Variants in SEC16A observed in about 807,000 individuals in gnomAD.
SEC16A encodes protein transport protein Sec16A.
A neutral mutation model predicts 221.9 loss-of-function variants in SEC16A; 110 were observed. That is an observed-to-expected ratio of 0.50 (90% CI 0.42 to 0.58). The LOEUF (loss-of-function observed/expected upper bound fraction) is 0.58, where lower values mean the gene tolerates loss of function less well. Ranked by LOEUF, SEC16A falls within the 20% of genes least tolerant of loss-of-function variation. The pLI, the probability that SEC16A is intolerant of heterozygous loss-of-function variation, is 0.00. For synonymous variants in SEC16A, 1,393 were observed against 1,257.7 expected, an observed-to-expected ratio of 1.11 and a Z score of -2.28; for missense variants, 3,165 against 3,097.8, an observed-to-expected ratio of 1.02 and a Z score of -0.52.
Position 136,446,916 on chromosome 9 carries a change from C to T in SEC16A, c.6731G>A (p.Gly2244Asp). Residue 2244 changes from glycine (G) to aspartate (D), a missense_variant, in exon 28 of 32, where the codon GGC (glycine) becomes GAC (aspartate). Around this residue, in one of 3 missense-constraint regions of SEC16A, gnomAD observed 1,088 missense variants for 1,089.6 expected, o/e 1.00. Coordinates refer to ENST00000684901, the MANE Select transcript of SEC16A (RefSeq NM_014866.2). ...AEEPQLPDGT[G>D]REGPAAARGL... ...CCTAGCTGCTGCAGGCCCTTCCCTG[C>T]CAGTCCCGTCTGGAAGCTGTGGTTC... 6.2e-7 allele frequency: 1 copy of T among 1,613,704 alleles called. No individual in the cohort carries two copies. Among genetic ancestry groups the T allele is most frequent in the Non-Finnish European group, 8.5e-7 (1 of 1,179,870 alleles).
At chr9:136,483,863 G>A, upstream of SEC16A, 3 of 942,744 alleles carry the variant, frequency 3.2e-6, no homozygotes, top group Middle Eastern at 5.5e-4. Context: ...GCGCCTGCGC[G>A]CTGGTTGCCT....
intron 2 of SEC16A, among the ~76,000 whole-genome samples, chr9:136,478,402 C>CAA (rs34093106): frequency 0.032 from 3,068 of 95,098 alleles, 127 homozygotes; most frequent in African/African-American, 0.11. Flanking sequence ...GTCCCTAGCT[C>CAA]AAAAAAAAAA....
chr9:136,444,553 G>A (rs1427277435), intron 30 of SEC16A, among the ~76,000 whole-genome samples: 1 of 152,112 alleles, frequency 6.6e-6, no homozygotes, highest in Non-Finnish European at 1.5e-5. Flanking sequence ...GACACCTCAG[G>A]GTCGATCCAG....
Position 136,465,664 on chromosome 9 carries a change from C to T in SEC16A, c.4303+298G>A, listed in dbSNP as rs147021441. Among the ~76,000 whole-genome samples, 50 of 152,312 alleles carry T rather than the reference C, an allele frequency of 3.3e-4. No homozygotes were observed. In the East Asian group the frequency reaches 6.0e-3, roughly 18 times the overall value. On this transcript the variant is annotated intron_variant, in intron 8 of 31. Coordinates refer to ENST00000684901, the MANE Select transcript of SEC16A (RefSeq NM_014866.2). ...CACGCCTGCTGAGCCACGGGGTCTG[C>T]GATGGGGATGTGATCAGGGGCTGCC...
At chr9:136,483,178 C>T (rs1842637102), upstream of SEC16A, 2 of 275,778 alleles carry the variant, frequency 7.3e-6, no homozygotes, top group Non-Finnish European at 1.1e-5. Flanking sequence ...ATCCCTCGGC[C>T]CCGCCCCTCG....
At position 136,459,050 on chromosome 9, in the gene SEC16A, T is replaced by G; in HGVS notation, c.5409+84A>C. The G allele has an allele frequency of 2.1e-6, 2 of 939,254 alleles. No individual in the cohort carries two copies. Among genetic ancestry groups the G allele is most frequent in the Non-Finnish European group, 3.2e-6 (2 of 634,180 alleles). The allele number at this position is 939,254 out of a possible 1,614,324, so 58.2% of individuals were successfully genotyped here. ...TCACATCATTTTTTTCGATACCAATTCAAACAATCTAAGTAGCCAAAAGCT... is the reference window on the plus strand; with the variant it reads ...TCACATCATTTTTTTCGATACCAATGCAAACAATCTAAGTAGCCAAAAGCT... On this transcript the variant is annotated intron_variant, in intron 17 of 31. Coordinates refer to ENST00000684901, the MANE Select transcript of SEC16A (RefSeq NM_014866.2). This position sits in a 1 kb window ranked among gnomAD's most constrained non-coding sequence, Gnocchi z 6.1.
rs1841500262 is a variant in SEC16A at position 136,475,499 on chromosome 9, T to C, written c.2117A>G (p.Lys706Arg). 2.5e-6 allele frequency: 4 copies of C among 1,609,050 alleles called. No homozygotes were observed. Among genetic ancestry groups the C allele is most frequent in the East Asian group, 2.2e-5 (1 of 44,758 alleles). The part of the protein sequence containing the change: ...PLDTVYPAPE[K>R]RPSARTQGPV... ...CCCCTGGGTCCTGGCTGAAGGCCTC[T>C]TCTCGGGTGCTGGATACACAGTATC... is the stretch of plus-strand genomic sequence containing the variant. The change falls in exon 3 of 32, where the codon AAG becomes AGG. Residue 706 changes from lysine to arginine, a missense_variant. Transcript: ENST00000684901. This position sits in a 1 kb window ranked among gnomAD's most constrained non-coding sequence, Gnocchi z 5.0.
At chr9:136,469,373 A>G (rs946192484) in intron 4 of SEC16A, among the ~76,000 whole-genome samples, 3 of 152,252 alleles carry the variant, frequency 2.0e-5, no homozygotes, top group Non-Finnish European at 2.9e-5. Context: ...TTGTAGACCA[A>G]GCCATGATCC....
Position 136,466,546 on chromosome 9 carries a change from G to A in SEC16A, c.3930-84C>T. ...TGTGCCACGCAGCTGCCCAGGAGCTGAGACCGAGACCCCTGGGGCCGAGGC... is the reference window on the plus strand; with the variant it reads ...TGTGCCACGCAGCTGCCCAGGAGCTAAGACCGAGACCCCTGGGGCCGAGGC... On this transcript the variant is annotated intron_variant, in intron 6 of 31. Transcript: ENST00000684901. This position sits in a 1 kb window ranked among gnomAD's most constrained non-coding sequence, Gnocchi z 5.5. The A allele has an allele frequency of 7.6e-7, 1 of 1,310,506 alleles. No individual in the cohort carries two copies. The highest frequency in any genetic ancestry group is 1.5e-5 in the South Asian group (1 of 68,088). The allele number at this position is 1,310,506 out of a possible 1,614,324, so 81.2% of individuals were successfully genotyped here.
In SEC16A at chr9:136,453,420, C is replaced by G; in HGVS notation, c.6159+8G>C. On this transcript the variant is annotated splice_region_variant and intron_variant, in intron 22 of 31. Coordinates refer to ENST00000684901, the MANE Select transcript of SEC16A (RefSeq NM_014866.2). ...AAACAAACAGTTTAAGAAAATGTGA[C>G]AAAGTACCAGATTAGCAAATTTTCC... 4 of 1,609,478 alleles carry G rather than the reference C, an allele frequency of 2.5e-6. No homozygotes were observed. Among genetic ancestry groups the G allele is most frequent in the Non-Finnish European group, 3.4e-6 (4 of 1,176,088 alleles).
At chr9:136,469,342 C>T (rs1333830094) in intron 4 of SEC16A, among the ~76,000 whole-genome samples, 1 of 152,192 alleles carries the variant, frequency 6.6e-6, no homozygotes, top group Non-Finnish European at 1.5e-5. Flanking sequence ...GATTCCTACA[C>T]GTGCCCCAGA....
chr9:136,471,004 G>A (rs1439140687), intron 4 of SEC16A, among the ~76,000 whole-genome samples: 3 of 152,130 alleles, frequency 2.0e-5, no homozygotes, highest in Non-Finnish European at 4.4e-5. Context: ...CCTGAGTGGA[G>A]ATGAAAATCA....
chr9:136,472,299 C>A (rs1327721719), intron 3 of SEC16A, among the ~76,000 whole-genome samples, 188 bp from the exon 4 acceptor site: 1 of 152,228 alleles, frequency 6.6e-6, no homozygotes, highest in Non-Finnish European at 1.5e-5. Flanking sequence ...CTGAGCGTGG[C>A]CCTTCCCTCA....
chr9:136,460,113 T>C lies in SEC16A; in HGVS notation c.5002A>G (p.Ser1668Gly). ...TGCAGAGGGTCGTTGATTGGGAGGC[T>C]GTTAGCAAACCTAGGCAGACATAAA... The part of the protein sequence containing the change: ...HARVMTRFAN[S>G]LPINDPLQTV... Residue 1668 changes from serine (S) to glycine (G), a missense_variant, in exon 14 of 32, where the codon AGC (serine) becomes GGC (glycine). Physicochemically the swap from Ser to Gly is moderately conservative, Grantham distance 56 (BLOSUM62 0). Around this residue, in one of 3 missense-constraint regions of SEC16A, gnomAD observed 1,088 missense variants for 1,089.6 expected, o/e 1.00. Transcript: ENST00000684901. 1 of 1,605,930 alleles carries C rather than the reference T, an allele frequency of 6.2e-7. No homozygotes were observed. The highest frequency in any genetic ancestry group is 1.7e-5 in the Admixed American group (1 of 58,704).
intron 31 of SEC16A, among the ~76,000 whole-genome samples, chr9:136,442,907 AG>A (rs1836394790): frequency 6.6e-6 from 1 of 152,270 alleles, no homozygotes; most frequent in African/African-American, 2.4e-5. Flanking sequence ...AGAAGCTATT[AG>A]GAAAAAGAAA....
At chr9:136,484,266 G>T, upstream of SEC16A, 1 of 821,232 alleles carries the variant, frequency 1.2e-6, no homozygotes, top group Non-Finnish European at 1.5e-6. Context: ...CGGGCGCTCG[G>T]GCGGCCAGAG....
At chr9:136,480,437 G>C (rs1243322987) in intron 1 of SEC16A, among the ~76,000 whole-genome samples, 10 of 152,208 alleles carry the variant, frequency 6.6e-5, no homozygotes, top group Non-Finnish European at 1.3e-4. Context: ...AAAACTGAGT[G>C]TCCAGGTGAG....
rs776121111 is a variant in SEC16A, at chr9:136,474,808, G to A, written c.2808C>T (p.Asn936=). 7.4e-6 allele frequency: 12 copies of A among 1,613,876 alleles called. No individual in the cohort carries two copies. Among genetic ancestry groups the A allele is most frequent in the African/African-American group, 6.7e-5 (5 of 74,930 alleles). The part of the protein sequence containing the change: ...VQPPSQPVPE[N]LVPESQKDRK... ...GATCCTTTTGACTTTCTGGAACCAA[G>A]TTCTCTGGAACTGGCTGGGATGGTG... The change falls in exon 3 of 32, where the codon AAC becomes AAT. Residue 936 remains asparagine, a synonymous_variant. Transcript: ENST00000684901.
chr9:136,476,416 A>G lies in SEC16A; in HGVS notation c.1200T>C (p.Phe400=), dbSNP rs755092932. 1.5e-5 allele frequency: 24 copies of G among 1,612,856 alleles called. No individual in the cohort carries two copies. In the East Asian group the frequency reaches 2.2e-4, roughly 15 times the overall value. The change falls in exon 3 of 32, where the codon TTT becomes TTC. Residue 400 remains phenylalanine (F), a synonymous_variant. Transcript: ENST00000684901. ...EKAGLSGQAD[F]DDFCSSPGLG... ...GCCCAGGGCTGGAGCAGAAATCGTC[A>G]AAGTCCGCTTGACCAGATAAGCCTG...
Sources: gnomAD v4.1 joint callset for allele counts (sites outside exome capture counted in the v4.1 genomes callset) on GRCh38, gnomAD v4.1.1 for gene constraint, gnomAD v4.1.1 regional missense constraint, Gnocchi (gnomAD v3.1) non-coding constraint, MANE v1.5 for transcripts, NCBI Gene and HGNC (gene_info 2026-07-23, HGNC 2026-07-21) for gene names.